Variants in PPP2R2B observed in about 807,000 individuals in gnomAD.
PPP2R2B encodes serine/threonine-protein phosphatase 2A 55 kDa regulatory subunit B beta isoform.
PPP2R2B carries 5 observed loss-of-function variants against 46.0 expected under a neutral mutation model. The ratio of observed to expected loss-of-function variants is 0.11; its 90% confidence interval spans 0.06 to 0.23. PPP2R2B has a LOEUF of 0.23. Ranked by LOEUF, PPP2R2B falls within the 10% of genes least tolerant of loss-of-function variation. PPP2R2B has a pLI of 1.00. For synonymous variants in PPP2R2B, 215 were observed against 206.7 expected, an observed-to-expected ratio of 1.04 and a Z score of -0.34; for missense variants, 367 against 575.0, an observed-to-expected ratio of 0.64 and a Z score of 3.70.
intron 1 of PPP2R2B, among the ~76,000 whole-genome samples, chr5:147,029,602 C>T (rs192104347): frequency 6.6e-6 from 1 of 152,076 alleles, no homozygotes; most frequent in Non-Finnish European, 1.5e-5. Context: ...TATATTAAAA[C>T]CCTAACCTCC....
At chr5:146,839,380 C>T (rs655373) in intron 2 of PPP2R2B, among the ~76,000 whole-genome samples, 2,614 of 152,144 alleles carry the variant, frequency 0.017, 58 homozygotes, top group African/African-American at 0.059. Flanking sequence ...ATTAGCCGGG[C>T]ATGGTGGCAT....
chr5:146,838,647 C>G (rs776781649), intron 2 of PPP2R2B, among the ~76,000 whole-genome samples: 3 of 150,412 alleles, frequency 2.0e-5, no homozygotes, highest in African/African-American at 7.3e-5. Context: ...GGAAAGCATA[C>G]AAAAAGAGGA....
At chr5:146,882,803 A>G (rs1350925450), upstream of PPP2R2B, among the ~76,000 whole-genome samples, 2 of 152,240 alleles carry the variant, frequency 1.3e-5, no homozygotes, top group Admixed American at 1.3e-4. Flanking sequence ...TAGTCTTCAA[A>G]GGGGGCAGCA....
intron 1 of PPP2R2B, among the ~76,000 whole-genome samples, chr5:146,894,584 C>T (rs1386472672): frequency 3.3e-5 from 5 of 152,126 alleles, no homozygotes; most frequent in East Asian, 1.9e-4. Context: ...GGACCACAGG[C>T]GTGCGCCACC....
chr5:146,592,103 T>C (rs1368734820), intron 9 of PPP2R2B: 1 of 441,296 alleles, frequency 2.3e-6, no homozygotes, highest in East Asian at 7.5e-5. Context: ...TGGTGGATTT[T>C]GTTCTTATGT....
intron 1 of PPP2R2B, among the ~76,000 whole-genome samples, chr5:146,964,702 T>G (rs1199911034): frequency 6.6e-6 from 1 of 151,996 alleles, no homozygotes; most frequent in African/African-American, 2.4e-5. Flanking sequence ...AGTTTTTGTA[T>G]TTTTAGTAGA....
intron 1 of PPP2R2B, among the ~76,000 whole-genome samples, chr5:146,973,299 C>T (rs1317451575): frequency 6.6e-6 from 1 of 152,160 alleles, no homozygotes; most frequent in African/African-American, 2.4e-5. Flanking sequence ...ATTTAAATTC[C>T]CATGTTCTTT....
At chr5:146,755,542 G>C (rs776381774) in intron 2 of PPP2R2B, among the ~76,000 whole-genome samples, 46 of 152,162 alleles carry the variant, frequency 3.0e-4, no homozygotes, top group Non-Finnish European at 6.0e-4. Context: ...AGGTCAAAGA[G>C]ACCTTTCTTT....
At chr5:146,672,857 T>G (rs1777458845) in intron 5 of PPP2R2B, among the ~76,000 whole-genome samples, 2 of 152,248 alleles carry the variant, frequency 1.3e-5, no homozygotes, top group African/African-American at 4.8e-5. Flanking sequence ...TGACATTCTA[T>G]TCTAGATATA....
chr5:146,829,986 T>C (rs900915403), intron 2 of PPP2R2B, among the ~76,000 whole-genome samples: 4 of 152,186 alleles, frequency 2.6e-5, no homozygotes, highest in African/African-American at 7.2e-5. Context: ...AAAATAGATA[T>C]TGTGAGAATA....
chr5:146,960,632 T>C (rs1030824522), intron 1 of PPP2R2B, among the ~76,000 whole-genome samples: 6 of 152,098 alleles, frequency 3.9e-5, no homozygotes, highest in Admixed American at 3.9e-4. Flanking sequence ...TGGAAAACCA[T>C]TAGACCTGCA....
intron 2 of PPP2R2B, among the ~76,000 whole-genome samples, chr5:146,848,834 G>T (rs1760166015): frequency 1.3e-5 from 2 of 149,072 alleles, no homozygotes. Context: ...CTGGAGTTCT[G>T]CATGGGAGAT....
intron 1 of PPP2R2B, among the ~76,000 whole-genome samples, chr5:147,044,446 T>C (rs1272559105): frequency 2.0e-5 from 3 of 152,164 alleles, no homozygotes; most frequent in Non-Finnish European, 4.4e-5. Context: ...GGGATGGGAA[T>C]AGGTGTGCTA....
chr5:146,956,608 C>T (rs972207634), intron 1 of PPP2R2B, among the ~76,000 whole-genome samples: 5 of 152,162 alleles, frequency 3.3e-5, no homozygotes, highest in African/African-American at 1.2e-4. Flanking sequence ...CAGACCAGTC[C>T]ATAGACTTGA....
At chr5:146,891,182 C>A (rs1178423649) in intron 1 of PPP2R2B, among the ~76,000 whole-genome samples, 1 of 152,156 alleles carries the variant, frequency 6.6e-6, no homozygotes, top group Non-Finnish European at 1.5e-5. Context: ...TGGTTAAAGG[C>A]ATGATTTTTG....
chr5:146,871,560 C>T (rs1291241275), intron 2 of PPP2R2B, among the ~76,000 whole-genome samples: 1 of 152,204 alleles, frequency 6.6e-6, no homozygotes, highest in Non-Finnish European at 1.5e-5. Context: ...AATTCTGTTA[C>T]TGGGTCGTAG....
intron 2 of PPP2R2B, among the ~76,000 whole-genome samples, chr5:146,769,287 TAGGAATGCAAGTTCTC>T (rs995756066): frequency 6.6e-6 from 1 of 152,178 alleles, no homozygotes; most frequent in Admixed American, 6.5e-5. Flanking sequence ...GGGAACTTGT[TAGGAATGCAAGTTCTC>T]AGGCCCCACC....
At chr5:146,630,262 T>C (rs1774338926) in intron 7 of PPP2R2B, among the ~76,000 whole-genome samples, 1 of 152,210 alleles carries the variant, frequency 6.6e-6, no homozygotes, top group Admixed American at 6.5e-5. Context: ...TGATAACAGG[T>C]CTTAATTCAA....
In PPP2R2B at chr5:146,650,683, G is replaced by A; in HGVS notation, c.489C>T (p.Thr163=). The change falls in exon 6 of 10, where the codon ACC becomes ACT. Residue 163 remains threonine, a synonymous_variant. Coordinates refer to ENST00000394411, the MANE Select transcript of PPP2R2B (RefSeq NM_181675.4). The part of the protein sequence containing the change: ...LRPMDLMVEA[T]PRRVFANAHT... The stretch of plus-strand genomic sequence containing the variant: ...GTGCGTTGGCAAATACTCTTCGTGG[G>A]GTGGCCTCCACCATCAGGTCCATGG... 1 of 1,613,916 alleles carries A rather than the reference G, an allele frequency of 6.2e-7. No homozygotes were observed. The highest frequency in any genetic ancestry group is 8.5e-7 in the Non-Finnish European group (1 of 1,179,880).
Sources: gnomAD v4.1 joint callset for allele counts (sites outside exome capture counted in the v4.1 genomes callset) on GRCh38, gnomAD v4.1.1 for gene constraint, MANE v1.5 for transcripts, NCBI Gene and HGNC (gene_info 2026-07-23, HGNC 2026-07-21) for gene names.